LMO7: variants seen among roughly 807,000 people sequenced by gnomAD.
LMO7 encodes LIM domain 7, also known as LIM domain only protein 7.
Under a neutral mutation model 206.5 loss-of-function variants are expected in LMO7, and 120 were observed. The observed-to-expected ratio is 0.58, with a 90% CI of 0.50 to 0.68. The LOEUF (loss-of-function observed/expected upper bound fraction) is 0.68. Among genes scored for constraint, LMO7 ranks in the 30% least tolerant of loss-of-function variants. LMO7 has a pLI of 0.00. For synonymous variants in LMO7, 706 were observed against 681.5 expected (o/e 1.04, Z -0.56); for missense variants, 1,959 against 1,957.9 (o/e 1.00, Z -0.01).
At chr13:75,695,467 C>T (rs2041829569) in intron 1 of LMO7, among the ~76,000 whole-genome samples, 4 of 152,252 alleles carry the variant, frequency 2.6e-5, no homozygotes, top group Admixed American at 2.6e-4. Flanking sequence ...CTGTCTCAGC[C>T]TCCTGAGTAG....
Position 75,840,588 on chromosome 13 carries a change from C to T in LMO7, c.3582+93C>T, listed in dbSNP as rs372885778. On this transcript the variant is annotated intron_variant, in intron 22 of 30. Coordinates refer to ENST00000377534, the MANE Select transcript of LMO7 (RefSeq NM_001306080.2). ...CCAGTATTGAGAAACTAATTTTAAA[C>T]GCAACAATCTCACAACTAACAAATA... is the stretch of plus-strand genomic sequence containing the variant. 184 of 1,417,296 alleles carry T rather than the reference C, an allele frequency of 1.3e-4. 1 individual carries two copies. The highest frequency in any genetic ancestry group is 1.6e-4 in the Admixed American group (7 of 44,012). The allele number at this position is 1,417,296 out of a possible 1,614,324, so 87.8% of individuals were successfully genotyped here. A position where few individuals can be genotyped will look rare whatever the true frequency, so the allele number is the denominator to read the frequency against.
At chr13:75,621,538 T>C (rs2033312110) in exon 1 of LMO7, 2 of 404,378 alleles carry the variant, frequency 4.9e-6, no homozygotes, top group Non-Finnish European at 8.7e-6. Flanking sequence ...AGCAATTATT[T>C]CAACATCTAA....
At chr13:75,633,993 G>A (rs1290380557), upstream of LMO7, among the ~76,000 whole-genome samples, 12 of 133,534 alleles carry the variant, frequency 9.0e-5, no homozygotes, top group African/African-American at 2.9e-4. Context: ...ACCACGTCCA[G>A]CTAATTTTTT....
Position 75,841,949 on chromosome 13 carries a change from C to T in LMO7, c.3997C>T (p.Arg1333Trp), listed in dbSNP as rs75318564. Reference protein sequence around the residue: ...EEQKRQAEIERETSVRIYQYR... With the variant: ...EEQKRQAEIEWETSVRIYQYR... Reference sequence around the variant, plus strand: ...GCAGAAGCGCCAGGCAGAGATAGAGCGGGAAACATCAGTCAGAATATACCA... The same window carrying T: ...GCAGAAGCGCCAGGCAGAGATAGAGTGGGAAACATCAGTCAGAATATACCA... Residue 1333 changes from arginine (R) to tryptophan (W), a missense_variant, in exon 24 of 31, where the codon CGG (arginine) becomes TGG (tryptophan). Physicochemically the swap from Arg to Trp is moderately radical, Grantham distance 101. Transcript: ENST00000377534. The T allele has an allele frequency of 1.1e-3, 1,772 of 1,612,206 alleles. 6 individuals carry two copies. The highest frequency in any genetic ancestry group is 7.8e-3 in the African/African-American group (586 of 74,958).
At chr13:75,646,487 G>T (rs11616974) in intron 1 of LMO7, among the ~76,000 whole-genome samples, 10 of 151,778 alleles carry the variant, frequency 6.6e-5, no homozygotes, top group South Asian at 2.1e-4. Context: ...ATCTGTTCCC[G>T]GCTTGCCTAT....
chr13:75,739,011 C>T (rs2046197037), intron 3 of LMO7, among the ~76,000 whole-genome samples: 1 of 152,142 alleles, frequency 6.6e-6, no homozygotes, highest in Admixed American at 6.5e-5. Flanking sequence ...GAGCAGTATC[C>T]CTGGCCTCTA....
At chr13:75,798,739 G>T (rs1217594630) in intron 6 of LMO7, among the ~76,000 whole-genome samples, 1 of 152,336 alleles carries the variant, frequency 6.6e-6, no homozygotes, top group Non-Finnish European at 1.5e-5. Flanking sequence ...ACAATCGTTG[G>T]TGGAAGTTGT....
At chr13:75,704,174 G>A (rs529203707) in intron 1 of LMO7, among the ~76,000 whole-genome samples, 2 of 152,094 alleles carry the variant, frequency 1.3e-5, no homozygotes, top group Admixed American at 6.6e-5. Context: ...TTCTCCCTGC[G>A]GAAAAATGCC....
chr13:75,641,825 C>CT (rs781445163), intron 1 of LMO7, among the ~76,000 whole-genome samples: 1,758 of 140,790 alleles, frequency 0.012, 29 homozygotes, highest in African/African-American at 0.037. Flanking sequence ...TTTTGTATTT[C>CT]TTTTTTTTTT....
intron 1 of LMO7, among the ~76,000 whole-genome samples, chr13:75,655,300 C>T (rs1482508774): frequency 6.6e-6 from 1 of 152,090 alleles, no homozygotes; most frequent in Non-Finnish European, 1.5e-5. Flanking sequence ...AGTTTTTCCA[C>T]AGTCTTCTCA....
intron 3 of LMO7, among the ~76,000 whole-genome samples, chr13:75,734,695 A>T (rs1443125264): frequency 6.6e-6 from 1 of 152,254 alleles, no homozygotes; most frequent in African/African-American, 2.4e-5. Flanking sequence ...TAAAATATAC[A>T]TAAAGTTCCC....
At chr13:75,838,398 C>G (rs1038255161) in intron 20 of LMO7, 1 of 1,318,816 alleles carries the variant, frequency 7.6e-7, no homozygotes, top group Non-Finnish European at 9.9e-7. Context: ...GGTAATGGGT[C>G]TTTGTGTGTC....
chr13:75,741,349 A>G (rs142563793), intron 3 of LMO7, among the ~76,000 whole-genome samples: 7 of 152,362 alleles, frequency 4.6e-5, no homozygotes, highest in African/African-American at 7.2e-5. Context: ...TTATCAATGT[A>G]TTATTCTACT....
chr13:75,730,111 A>T (rs1232917270), intron 3 of LMO7, among the ~76,000 whole-genome samples: 1 of 151,956 alleles, frequency 6.6e-6, no homozygotes, highest in Admixed American at 6.6e-5. Context: ...TGTCTCTGCC[A>T]GGCTTTGGTA....
chr13:75,716,894 CT>C (rs35871564), intron 2 of LMO7, among the ~76,000 whole-genome samples: 56,433 of 138,508 alleles, frequency 0.41, 11,689 homozygotes, highest in Middle Eastern at 0.56. Context: ...TGAAAACACT[CT>C]TTTTTTTTTT....
At chr13:75,830,482 G>A (rs764578034) in intron 15 of LMO7, among the ~76,000 whole-genome samples, 1 of 152,178 alleles carries the variant, frequency 6.6e-6, no homozygotes, top group Non-Finnish European at 1.5e-5. Context: ...TGACATGCCT[G>A]TGGTCACCTG....
Position 75,702,060 on chromosome 13 carries a change from G to T in LMO7, c.70-11122G>T, listed in dbSNP as rs114306083. Among the ~76,000 whole-genome samples, 824 of 152,166 alleles carry T rather than the reference G, an allele frequency of 5.4e-3. 16 individuals are homozygous for T. The highest frequency in any genetic ancestry group is 0.019 in the African/African-American group (770 of 41,514). ...AGCTAAAAGTTGGCTATGGTCTAGGGAAGTGGGCTTCTTCTCGTGGACTAG... is the reference window on the plus strand; with the variant it reads ...AGCTAAAAGTTGGCTATGGTCTAGGTAAGTGGGCTTCTTCTCGTGGACTAG... On this transcript the variant is annotated intron_variant, in intron 1 of 30. Transcript: ENST00000377534.
intron 1 of LMO7, among the ~76,000 whole-genome samples, chr13:75,638,992 G>T (rs911357534): frequency 4.6e-5 from 7 of 152,040 alleles, no homozygotes; most frequent in Admixed American, 4.6e-4. Flanking sequence ...GTATATGTAT[G>T]TACATATATA....
intron 6 of LMO7, 45 bp from the exon 7 acceptor site, chr13:75,800,639 G>T: frequency 6.5e-7 from 1 of 1,532,174 alleles, no homozygotes; most frequent in South Asian, 1.1e-5. Flanking sequence ...TATATTTTTT[G>T]GAAGTTTATT....
Sources: gnomAD v4.1 joint callset for allele counts (sites outside exome capture counted in the v4.1 genomes callset) on GRCh38, gnomAD v4.1.1 for gene constraint, MANE v1.5 for transcripts, NCBI Gene and HGNC (gene_info 2026-07-23, HGNC 2026-07-21) for gene names.